PRKN: variants seen among roughly 807,000 people sequenced by gnomAD.
The protein encoded by PRKN is E3 ubiquitin-protein ligase parkin.
In PRKN, 56 loss-of-function variants were observed where a neutral mutation model predicts 59.5. That is an observed-to-expected ratio of 0.94 (90% confidence interval 0.76 to 1.18). The LOEUF (loss-of-function observed/expected upper bound fraction) is 1.18. PRKN is among the 50% of genes most tolerant of loss of function. The pLI is 0.00. For synonymous variants in PRKN, 250 were observed against 222.1 expected, an observed-to-expected ratio of 1.13 and a Z score of -1.12; for missense variants, 657 against 596.4, an observed-to-expected ratio of 1.10 and a Z score of -1.06.
intron 6 of PRKN, among the ~76,000 whole-genome samples, chr6:161,950,403 G>C (rs1779942297): frequency 6.6e-6 from 1 of 152,144 alleles, no homozygotes; most frequent in African/African-American, 2.4e-5. Flanking sequence ...AAATTAGCCA[G>C]GCGTGGTGGT....
intron 4 of PRKN, among the ~76,000 whole-genome samples, chr6:162,099,057 A>G (rs1474588613): frequency 6.6e-6 from 1 of 152,230 alleles, no homozygotes; most frequent in Non-Finnish European, 1.5e-5. Flanking sequence ...GTGTTGGATA[A>G]CAGTACATAT....
chr6:161,827,372 C>T (rs1430057392), intron 6 of PRKN, among the ~76,000 whole-genome samples: 2 of 152,130 alleles, frequency 1.3e-5, no homozygotes. Context: ...TTTTTAGAAT[C>T]TGAGCAAATT....
chr6:161,882,172 C>T (rs1562362301), intron 6 of PRKN, among the ~76,000 whole-genome samples: 1 of 152,182 alleles, frequency 6.6e-6, no homozygotes, highest in Non-Finnish European at 1.5e-5. Context: ...TTCAGCTCAA[C>T]AGCTCACCTT....
chr6:162,254,976 C>T (rs1006711725), intron 3 of PRKN, among the ~76,000 whole-genome samples: 4 of 151,914 alleles, frequency 2.6e-5, no homozygotes, highest in Non-Finnish European at 5.9e-5. Flanking sequence ...ATTCCTCATG[C>T]CATCCATCAT....
intron 7 of PRKN, among the ~76,000 whole-genome samples, chr6:161,613,526 T>G (rs1367966375): frequency 6.6e-6 from 1 of 152,222 alleles, no homozygotes; most frequent in African/African-American, 2.4e-5. Flanking sequence ...GTTGTTCTAC[T>G]GTGGGTAAAA....
chr6:161,883,438 G>C (rs945564575), intron 6 of PRKN, among the ~76,000 whole-genome samples: 4 of 145,336 alleles, frequency 2.8e-5, no homozygotes, highest in African/African-American at 7.6e-5. Flanking sequence ...AGTGAGCTGA[G>C]ATAGCGCCAC....
intron 6 of PRKN, among the ~76,000 whole-genome samples, chr6:161,940,723 T>C (rs1282637246): frequency 6.6e-6 from 1 of 152,152 alleles, no homozygotes; most frequent in African/African-American, 2.4e-5. Context: ...AGCCGGAAAG[T>C]GACTGTTCAG....
intron 2 of PRKN, among the ~76,000 whole-genome samples, chr6:162,361,161 C>A (rs1785115059): frequency 6.6e-6 from 1 of 152,054 alleles, no homozygotes; most frequent in South Asian, 2.1e-4. Context: ...AAACATCAGT[C>A]AAGTTCAGAT....
chr6:162,225,896 A>G (rs955079013), intron 3 of PRKN, among the ~76,000 whole-genome samples: 1 of 148,828 alleles, frequency 6.7e-6, no homozygotes. Context: ...GTATATATAT[A>G]TATATATATA....
chr6:161,748,819 G>A (rs1788548617), intron 7 of PRKN, among the ~76,000 whole-genome samples: 1 of 152,170 alleles, frequency 6.6e-6, no homozygotes, highest in African/African-American at 2.4e-5. Flanking sequence ...GTTGAGAATT[G>A]AAAGTCTCCT....
intron 6 of PRKN, among the ~76,000 whole-genome samples, chr6:161,968,187 ATTTTTTTTTT>A (rs530441181): frequency 3.8e-4 from 48 of 127,984 alleles, no homozygotes; most frequent in African/African-American, 1.2e-3. Flanking sequence ...TGCCTGGCTA[ATTTTTTTTTT>A]TTTTTTTTTT....
chr6:162,561,961 G>A (rs533796903), intron 1 of PRKN, among the ~76,000 whole-genome samples: 17 of 152,218 alleles, frequency 1.1e-4, no homozygotes, highest in African/African-American at 4.1e-4. Context: ...ACACTAGCTG[G>A]GACAGACAAG....
intron 4 of PRKN, among the ~76,000 whole-genome samples, chr6:162,196,395 G>C (rs191947823): frequency 2.8e-3 from 433 of 152,270 alleles, no homozygotes; most frequent in Middle Eastern, 0.01. Context: ...CATTGGTCAG[G>C]AACCCAATCA....
At chr6:161,406,229 TAC>T (rs1554257594) in intron 9 of PRKN, among the ~76,000 whole-genome samples, 1 of 145,844 alleles carries the variant, frequency 6.9e-6, no homozygotes, top group African/African-American at 2.6e-5. Flanking sequence ...TATATATATA[TAC>T]ACACACTTGA....
At position 162,495,540 on chromosome 6, in the gene PRKN, T is replaced by A. The variant is rs547905119; in HGVS notation, c.8-52067A>T. ...GCTGACACCCACAGCCCACTGACTG[T>A]CTCACCTCCAGTGTGCCGTGTGAGC... On this transcript the variant is annotated intron_variant, in intron 1 of 11. Transcript: ENST00000366898. Among the ~76,000 whole-genome samples, 10 of 152,196 alleles carry A rather than the reference T, an allele frequency of 6.6e-5. No homozygotes were observed. In the South Asian group the frequency reaches 2.1e-3, roughly 32 times the overall value.
chr6:162,158,676 C>G (rs1782630135), intron 4 of PRKN, among the ~76,000 whole-genome samples: 1 of 151,904 alleles, frequency 6.6e-6, no homozygotes, highest in Non-Finnish European at 1.5e-5. Context: ...AATGATCCGC[C>G]CGCCTTGGCC....
chr6:161,680,746 TATATATATATATATATATATATATATATA>T (rs1201906346), intron 7 of PRKN, among the ~76,000 whole-genome samples: 142 of 8,502 alleles, frequency 0.017, 2 homozygotes, highest in East Asian at 0.067. Flanking sequence ...TATATATATA[TATATATATATATATATATATATATATATA>T]TTTTTTTTTT....
At chr6:161,600,316 A>C (rs950763158) in intron 7 of PRKN, among the ~76,000 whole-genome samples, 1 of 152,054 alleles carries the variant, frequency 6.6e-6, no homozygotes, top group Non-Finnish European at 1.5e-5. Flanking sequence ...TTCCTTTTCT[A>C]TCCTCATTCA....
At chr6:162,311,013 G>A (rs1045822113) in intron 2 of PRKN, among the ~76,000 whole-genome samples, 9 of 151,986 alleles carry the variant, frequency 5.9e-5, no homozygotes, top group East Asian at 1.9e-4. Flanking sequence ...TGACCATAGC[G>A]TTCTTTTTAC....
Sources: gnomAD v4.1 joint callset for allele counts (sites outside exome capture counted in the v4.1 genomes callset) on GRCh38, gnomAD v4.1.1 for gene constraint, MANE v1.5 for transcripts, NCBI Gene and HGNC (gene_info 2026-07-23, HGNC 2026-07-21) for gene names.